PSMC3: variants seen among roughly 807,000 people sequenced by gnomAD.
PSMC3 encodes proteasome 26S subunit, ATPase 3.
PSMC3 carries 11 observed loss-of-function variants against 52.0 expected under a neutral mutation model. The ratio of observed to expected loss-of-function variants is 0.21; its 90% CI spans 0.13 to 0.35. The LOEUF (loss-of-function observed/expected upper bound fraction) is 0.35, where lower values mean the gene tolerates loss of function less well. PSMC3 is among the 10% of genes least tolerant of loss of function. The pLI, the probability that PSMC3 is intolerant of heterozygous loss-of-function variation, is 1.00. For synonymous variants in PSMC3, 201 were observed against 218.8 expected (o/e 0.92, Z 0.72); for missense variants, 238 against 567.1 (o/e 0.42, Z 5.89).
chr11:47,422,512 A>G lies in PSMC3; in HGVS notation c.884+62T>C, dbSNP rs1292049595. On this transcript the variant is annotated intron_variant, in intron 8 of 11. Transcript: ENST00000298852. This position sits in a 1 kb window ranked among gnomAD's most constrained non-coding sequence, Gnocchi z 4.3. ...AAGGAACCACAATTTAGCACAACTGAGAGTCAACCCGCTTCCCCTTACCGC... is the reference window on the plus strand; with the variant it reads ...AAGGAACCACAATTTAGCACAACTGGGAGTCAACCCGCTTCCCCTTACCGC... The G allele has an allele frequency of 6.9e-6, 11 of 1,590,274 alleles. No individual in the cohort carries two copies. The highest frequency in any genetic ancestry group is 9.4e-6 in the Non-Finnish European group (11 of 1,164,064).
chr11:47,420,624 T>C lies in PSMC3; in HGVS notation c.981+7A>G. Reference sequence around the variant, plus strand: ...CATCATCTTTGCCTGGGAGTGCTAATACTCACCTTAACTTGGGTGTTGGGC... The same window carrying C: ...CATCATCTTTGCCTGGGAGTGCTAACACTCACCTTAACTTGGGTGTTGGGC... On this transcript the variant is annotated splice_region_variant and intron_variant, in intron 9 of 11. Transcript: ENST00000298852. The C allele has an allele frequency of 1.3e-6, 2 of 1,551,486 alleles. No homozygotes were observed. Among genetic ancestry groups the C allele is most frequent in the Non-Finnish European group, 1.7e-6 (2 of 1,146,614 alleles).
intron 9 of PSMC3, 73 bp downstream of exon 9, chr11:47,420,558 C>A: frequency 6.6e-7 from 1 of 1,507,784 alleles, no homozygotes; most frequent in Non-Finnish European, 9.0e-7. Context: ...AGCTCCACCA[C>A]TGGCTAGCTG....
Position 47,420,769 on chromosome 11 carries a change from T to G in PSMC3, c.885-42A>C, listed in dbSNP as rs576132533. 3.9e-6 allele frequency: 6 copies of G among 1,519,360 alleles called. No individual in the cohort carries two copies. In the African/African-American group the frequency reaches 8.3e-5, roughly 21 times the overall value. The allele number at this position is 1,519,360 out of a possible 1,614,324, so 94.1% of individuals were successfully genotyped here. ...CCGAGATGCTGGTGAGGGCACAGCTTAGGCAGAGCCCTCCCCTCCTCTACC... is the reference window on the plus strand; with the variant it reads ...CCGAGATGCTGGTGAGGGCACAGCTGAGGCAGAGCCCTCCCCTCCTCTACC... On this transcript the variant is annotated intron_variant, in intron 8 of 11. Coordinates refer to ENST00000298852, the MANE Select transcript of PSMC3 (RefSeq NM_002804.5).
At position 47,422,537 on chromosome 11, in the gene PSMC3, C is replaced by A. The variant is rs1012047307; in HGVS notation, c.884+37G>T. The A allele has an allele frequency of 1.2e-6, 2 of 1,610,906 alleles. No individual in the cohort carries two copies. The highest frequency in any genetic ancestry group is 2.2e-5 in the South Asian group (2 of 90,946). ...AGAGTCAACCCGCTTCCCCTTACCGCCACAGAGATCGCTAGGGACCCTTGG... is the reference window on the plus strand; with the variant it reads ...AGAGTCAACCCGCTTCCCCTTACCGACACAGAGATCGCTAGGGACCCTTGG... On this transcript the variant is annotated intron_variant, in intron 8 of 11. Coordinates refer to ENST00000298852, the MANE Select transcript of PSMC3 (RefSeq NM_002804.5). This position sits in a 1 kb window ranked among gnomAD's most constrained non-coding sequence, Gnocchi z 4.3.
chr11:47,424,506 C>T lies in PSMC3; in HGVS notation c.391-15G>A, dbSNP rs2096044188. ...AGGAAGTACGTCTGTGGACAAGTTACAGGGGCAGTCTCAGTTAGTGTCCTC... is the reference window on the plus strand; with the variant it reads ...AGGAAGTACGTCTGTGGACAAGTTATAGGGGCAGTCTCAGTTAGTGTCCTC... On this transcript the variant is annotated splice_polypyrimidine_tract_variant and intron_variant, in intron 4 of 11. Coordinates refer to ENST00000298852, the MANE Select transcript of PSMC3 (RefSeq NM_002804.5). This position sits in a 1 kb window ranked among gnomAD's most constrained non-coding sequence, Gnocchi z 4.8. 1 of 1,613,950 alleles carries T rather than the reference C, an allele frequency of 6.2e-7. No homozygotes were observed. The highest frequency in any genetic ancestry group is 8.5e-7 in the Non-Finnish European group (1 of 1,179,798).
At chr11:47,421,640 C>T (rs2096040659) in intron 8 of PSMC3, among the ~76,000 whole-genome samples, 1 of 126,454 alleles carries the variant, frequency 7.9e-6, no homozygotes, top group African/African-American at 3.1e-5. Flanking sequence ...AACAGGGAGG[C>T]CCAGGAAAGT....
chr11:47,424,388 A>G lies in PSMC3; in HGVS notation c.453+41T>C, dbSNP rs2096044077. The G allele has an allele frequency of 6.2e-7, 1 of 1,604,210 alleles. No homozygotes were observed. ...CTGGGGCGGGTACAGGGGCTCAGCT[A>G]GTCACCAGAAAAGCACTGCCTGGGC... On this transcript the variant is annotated intron_variant, in intron 5 of 11. Transcript: ENST00000298852. This position sits in a 1 kb window ranked among gnomAD's most constrained non-coding sequence, Gnocchi z 4.8.
chr11:47,425,296 T>C (rs1484195688), intron 2 of PSMC3, 50 bp from the exon 3 acceptor site: 1 of 1,609,588 alleles, frequency 6.2e-7, no homozygotes, highest in South Asian at 1.1e-5. Flanking sequence ...GCACAGCTTA[T>C]GCTAGAGCCC....
At chr11:47,423,578 GGAGTTC>G (rs2096043198) in intron 6 of PSMC3, among the ~76,000 whole-genome samples, 2 of 152,076 alleles carry the variant, frequency 1.3e-5, no homozygotes, top group African/African-American at 4.8e-5. Flanking sequence ...CCTGAGGTTG[GGAGTTC>G]GAGACCAGCC....
chr11:47,425,169 T>C lies in PSMC3; in HGVS notation c.237A>G (p.Lys79=), dbSNP rs1426020498. The C allele has an allele frequency of 6.2e-7, 1 of 1,614,070 alleles. No homozygotes were observed. The highest frequency in any genetic ancestry group is 2.2e-5 in the East Asian group (1 of 44,898). Reference sequence around the variant, plus strand: ...ACGGCAGGGTCTTGTTCACTTTGATTTTCTCACTGTTCTCTTTTATCTTGT... The same window carrying C: ...ACGGCAGGGTCTTGTTCACTTTGATCTTCTCACTGTTCTCTTTTATCTTGT... ...MKDKIKENSE[K]IKVNKTLPYL... Residue 79 remains lysine (K), a synonymous_variant, in exon 3 of 12, where the codon AAA becomes AAG. Coordinates refer to ENST00000298852, the MANE Select transcript of PSMC3 (RefSeq NM_002804.5).
chr11:47,422,630 C>T lies in PSMC3; in HGVS notation c.828G>A (p.Lys276=), dbSNP rs776290341. 56 of 1,614,094 alleles carry T rather than the reference C, an allele frequency of 3.5e-5. No individual in the cohort carries two copies. The East Asian group carries it at 7.6e-4, about 22-fold the overall frequency. Residue 276 remains lysine (K), a synonymous_variant, in exon 8 of 12, where the codon AAG becomes AAA. Coordinates refer to ENST00000298852, the MANE Select transcript of PSMC3 (RefSeq NM_002804.5). This position sits in a 1 kb window ranked among gnomAD's most constrained non-coding sequence, Gnocchi z 4.3. ...TGAAGATGATAGAGGGCGCTTTCTC[C>T]TTGGCCAGGGCAAAGGCATCCCGGA... ...KLVRDAFALA[K]EKAPSIIFID... is the part of the protein sequence containing the mutation.
In PSMC3 at chr11:47,422,162, C is replaced by A. The variant is rs1265814659; in HGVS notation, c.884+412G>T. ...GGTTCAAGTGATTCTTGTGCCTCAG[C>A]CTCCCAGGCATCTGGGACTACAGGC... On this transcript the variant is annotated intron_variant, in intron 8 of 11. Coordinates refer to ENST00000298852, the MANE Select transcript of PSMC3 (RefSeq NM_002804.5). The surrounding 1 kb of genome is among the most constrained non-coding windows in gnomAD (Gnocchi z 4.3). 6.6e-6 allele frequency among the ~76,000 whole-genome samples: 1 copy of A among 152,044 alleles called. No individual in the cohort carries two copies. The highest frequency in any genetic ancestry group is 1.5e-5 in the Non-Finnish European group (1 of 68,022).
At position 47,424,602 on chromosome 11, in the gene PSMC3, C is replaced by A; in HGVS notation, c.390+5G>T. The A allele has an allele frequency of 6.2e-7, 1 of 1,612,190 alleles. No individual in the cohort carries two copies. Among genetic ancestry groups the A allele is most frequent in the East Asian group, 2.2e-5 (1 of 44,870 alleles). On this transcript the variant is annotated splice_donor_5th_base_variant and intron_variant, in intron 4 of 11. Transcript: ENST00000298852. This position sits in a 1 kb window ranked among gnomAD's most constrained non-coding sequence, Gnocchi z 4.8. ...TCCAGTCTCTCATTGCTGAGCCACG[C>A]TCACCTGTCGTGTAGAGGTTTTGAT...
In PSMC3 at chr11:47,423,054, C is replaced by A. The variant is rs1595892263; in HGVS notation, c.592-81G>T. The A allele has an allele frequency of 1.1e-5, 15 of 1,374,034 alleles. No homozygotes were observed. In the East Asian group the frequency reaches 3.0e-4, roughly 27 times the overall value. 85.1% of individuals were successfully genotyped at this position (1,374,034 alleles called of 1,614,324 possible). A position where few individuals can be genotyped will look rare whatever the true frequency, so the allele number is the denominator to read the frequency against. On this transcript the variant is annotated intron_variant, in intron 6 of 11. Transcript: ENST00000298852. ...AACCCTTCATGGCTCCAACCCCAAT[C>A]TGCATCCCTCCTACTCTAACTCAGG... is the stretch of plus-strand genomic sequence containing the variant.
At chr11:47,420,863 G>C (rs1342927053) in intron 8 of PSMC3, 136 bp from the exon 9 acceptor site, 2 of 664,112 alleles carry the variant, frequency 3.0e-6, no homozygotes, top group South Asian at 1.7e-5. Context: ...CCCCAGCCCA[G>C]GGACTGGCAC....
At chr11:47,419,320 C>G in intron 10 of PSMC3, 123 bp from the exon 11 acceptor site, 2 of 949,538 alleles carry the variant, frequency 2.1e-6, no homozygotes, top group Non-Finnish European at 3.3e-6. Context: ...AGGCAAGTCC[C>G]TTACTCAATG....
At chr11:47,425,775 G>C in intron 2 of PSMC3, 92 bp downstream of exon 2, 1 of 1,120,618 alleles carries the variant, frequency 8.9e-7, no homozygotes, top group South Asian at 1.4e-5. Flanking sequence ...GTCTCCCCCA[G>C]GGTGCCCGAT....
intron 10 of PSMC3, among the ~76,000 whole-genome samples, chr11:47,419,928 C>T (rs2096038346): frequency 6.6e-6 from 1 of 151,686 alleles, no homozygotes; most frequent in South Asian, 2.1e-4. Context: ...TCATACATAT[C>T]TGAACTCAAG....
rs1459289885 is a variant in PSMC3 at position 47,425,103 on chromosome 11, C to T, written c.285+18G>A. On this transcript the variant is annotated intron_variant, in intron 3 of 11. Coordinates refer to ENST00000298852, the MANE Select transcript of PSMC3 (RefSeq NM_002804.5). ...TTCCCTGCTGACTCCCTCTCTTCCC[C>T]TCCACATACACACACACCTCGATGA... 1 of 1,614,020 alleles carries T rather than the reference C, an allele frequency of 6.2e-7. No homozygotes were observed. The highest frequency in any genetic ancestry group is 1.7e-5 in the Admixed American group (1 of 60,014).
Sources: allele counts gnomAD v4.1 joint callset (sites outside exome capture counted in the v4.1 genomes callset), GRCh38; gene constraint gnomAD v4.1.1; non-coding constraint Gnocchi (gnomAD v3.1); transcripts MANE v1.5; gene names NCBI Gene and HGNC (gene_info 2026-07-23, HGNC 2026-07-21).